KIRREL3: variants seen among roughly 807,000 people sequenced by gnomAD.
KIRREL3 encodes kin of IRRE-like protein 3.
A neutral mutation model predicts 89.7 loss-of-function variants in KIRREL3; 36 were observed. That is an observed-to-expected ratio of 0.40 (90% CI 0.31 to 0.53). The LOEUF (loss-of-function observed/expected upper bound fraction) is 0.53, where lower values mean the gene tolerates loss of function less well. Among genes scored for constraint, KIRREL3 ranks in the 20% least tolerant of loss-of-function variants. The probability of loss-of-function intolerance (pLI) is 0.49; values close to 1 mark genes in which losing one functional copy is unlikely to be tolerated. For missense variants in KIRREL3, 864 were observed against 1,056.6 expected, an observed-to-expected ratio of 0.82 and a Z score of 2.53; for synonymous variants, 445 against 441.4, an observed-to-expected ratio of 1.01 and a Z score of -0.10.
At chr11:126,753,975 G>A (rs1333835166) in intron 1 of KIRREL3, among the ~76,000 whole-genome samples, 1 of 152,138 alleles carries the variant, frequency 6.6e-6, no homozygotes, top group Non-Finnish European at 1.5e-5. Flanking sequence ...TTTTCAGACT[G>A]GGACTGGGAA....
At chr11:126,988,919 C>T (rs753099912) in intron 1 of KIRREL3, among the ~76,000 whole-genome samples, 12 of 150,680 alleles carry the variant, frequency 8.0e-5, no homozygotes, top group Non-Finnish European at 1.8e-4. Context: ...ATTTTTTTTT[C>T]TCACCACTCT....
chr11:126,509,573 T>C (rs897405615), intron 4 of KIRREL3, among the ~76,000 whole-genome samples: 3 of 152,254 alleles, frequency 2.0e-5, no homozygotes, highest in Non-Finnish European at 2.9e-5. Flanking sequence ...GACATTCCCA[T>C]GATGGACCCA....
chr11:126,967,502 C>G (rs1428092264), intron 1 of KIRREL3, among the ~76,000 whole-genome samples: 2 of 152,130 alleles, frequency 1.3e-5, no homozygotes, highest in East Asian at 3.9e-4. Context: ...TTCAGGTGCC[C>G]TTTTCTATAT....
In KIRREL3 at chr11:126,807,562, G is replaced by C. The variant is rs914352707; in HGVS notation, c.55+192893C>G. ...CACCACGGTAGGGAACACAGGTTTC[G>C]TGCATTCATAGACACACGGAACCTC... On this transcript the variant is annotated intron_variant, in intron 1 of 16. Coordinates refer to ENST00000525144, the MANE Select transcript of KIRREL3 (RefSeq NM_032531.4). This position sits in a 1 kb window ranked among gnomAD's most constrained non-coding sequence, Gnocchi z 4.3. Among the ~76,000 whole-genome samples the C allele has an allele frequency of 6.6e-6, 1 of 152,176 alleles. No individual in the cohort carries two copies. The highest frequency in any genetic ancestry group is 2.4e-5 in the African/African-American group (1 of 41,438).
intron 1 of KIRREL3, among the ~76,000 whole-genome samples, chr11:126,842,871 AT>A (rs1319791037): frequency 6.6e-6 from 1 of 152,212 alleles, no homozygotes; most frequent in African/African-American, 2.4e-5. Context: ...TCAATATCAT[AT>A]CCTTTCAGTC....
In KIRREL3 at chr11:126,747,332, C is replaced by A. The variant is rs1262629203; in HGVS notation, c.56-184420G>T. ...AATACTGGGGATAGAGCTCTTTGCTCATTATCTAGCGTAGCGTAAGTCCTC... is the reference window on the plus strand; with the variant it reads ...AATACTGGGGATAGAGCTCTTTGCTAATTATCTAGCGTAGCGTAAGTCCTC... On this transcript the variant is annotated intron_variant, in intron 1 of 16. Transcript: ENST00000525144. The surrounding 1 kb of genome is among the most constrained non-coding windows in gnomAD (Gnocchi z 4.7). Among the ~76,000 whole-genome samples the A allele has an allele frequency of 6.6e-6, 1 of 152,212 alleles. No individual in the cohort carries two copies. Among genetic ancestry groups the A allele is most frequent in the Non-Finnish European group, 1.5e-5 (1 of 68,024 alleles).
rs1946651304 is a variant in KIRREL3, at chr11:126,686,007, A to G, written c.56-123095T>C. 6.6e-6 allele frequency among the ~76,000 whole-genome samples: 1 copy of G among 152,172 alleles called. No individual in the cohort carries two copies. The highest frequency in any genetic ancestry group is 1.5e-5 in the Non-Finnish European group (1 of 68,042). The stretch of plus-strand genomic sequence containing the variant: ...CCCTTCACCTGCTTCTTCTCAGGCC[A>G]AGGTAGACCTGAGGAAAGGATTGAA... On this transcript the variant is annotated intron_variant, in intron 1 of 16. Transcript: ENST00000525144. The surrounding 1 kb of genome is among the most constrained non-coding windows in gnomAD (Gnocchi z 4.7).
chr11:126,863,395 G>GTGTT (rs879772494), intron 1 of KIRREL3, among the ~76,000 whole-genome samples: 3 of 88,902 alleles, frequency 3.4e-5, no homozygotes, highest in Non-Finnish European at 6.2e-5. Context: ...GAGTGCGTGT[G>GTGTT]TGAGTGCGTG....
chr11:126,853,837 C>T (rs1944417679), intron 1 of KIRREL3, among the ~76,000 whole-genome samples: 1 of 152,092 alleles, frequency 6.6e-6, no homozygotes, highest in African/African-American at 2.4e-5. Flanking sequence ...AAGTATATGA[C>T]AGGGACTTTA....
At chr11:126,654,940 G>A (rs1406927063) in intron 1 of KIRREL3, among the ~76,000 whole-genome samples, 19 of 152,306 alleles carry the variant, frequency 1.2e-4, no homozygotes, top group South Asian at 2.1e-4. Flanking sequence ...CCCAGAGGCC[G>A]CTCCTTGCTT....
intron 4 of KIRREL3, among the ~76,000 whole-genome samples, chr11:126,487,190 A>G (rs1394083613): frequency 6.6e-6 from 1 of 152,216 alleles, no homozygotes; most frequent in African/African-American, 2.4e-5. Context: ...AAAAGCATGC[A>G]TTTGTTCCAT....
At position 126,429,218 on chromosome 11, in the gene KIRREL3, A is replaced by C; in HGVS notation, c.1767T>G (p.Gly589=). The stretch of plus-strand genomic sequence containing the variant: ...TGGTGGAGTGCTCCTCACCCTCCCG[A>C]CCAGAGGCTGGTTCCTTGTGGACAA... ...VEIVHKEPAS[G]REGEEHSTIK... The change falls in exon 15 of 17, where the codon GGT becomes GGG. Residue 589 remains glycine (G), a synonymous_variant. Transcript: ENST00000525144. The surrounding 1 kb of genome is among the most constrained non-coding windows in gnomAD (Gnocchi z 5.2). The C allele has an allele frequency of 6.2e-7, 1 of 1,613,900 alleles. No individual in the cohort carries two copies. Among genetic ancestry groups the C allele is most frequent in the Non-Finnish European group, 8.5e-7 (1 of 1,179,806 alleles).
Position 126,450,906 on chromosome 11 carries a change from CGTGTGT to C in KIRREL3, c.849-1755_849-1750del, listed in dbSNP as rs151272051. On this transcript the variant is annotated intron_variant, in intron 7 of 16. Coordinates refer to ENST00000525144, the MANE Select transcript of KIRREL3 (RefSeq NM_032531.4). ...GTGTGCATGTGCGTGTGTGCATGTG[CGTGTGT>C]GTCCACGTGCATGTGTGCATGTGTG... is the stretch of plus-strand genomic sequence containing the variant. 8.4e-5 allele frequency among the ~76,000 whole-genome samples: 9 copies of C among 107,142 alleles called. No homozygotes were observed. In the East Asian group the frequency reaches 2.9e-3, roughly 34 times the overall value. The allele number at this position is 107,142 out of a possible 152,430, so 70.3% of individuals were successfully genotyped here.
At chr11:126,809,023 A>C (rs946812931) in intron 1 of KIRREL3, among the ~76,000 whole-genome samples, 3 of 152,218 alleles carry the variant, frequency 2.0e-5, no homozygotes, top group African/African-American at 7.2e-5. Flanking sequence ...TTAGGAAAAA[A>C]AACAGGCAAG....
rs1417554941 is a variant in KIRREL3 at position 126,568,022 on chromosome 11, C to A, written c.56-5110G>T. On this transcript the variant is annotated intron_variant, in intron 1 of 16. Transcript: ENST00000525144. The surrounding 1 kb of genome is among the most constrained non-coding windows in gnomAD (Gnocchi z 4.6). ...CTTGCTGAAGACTAACCCCTTCCCA[C>A]CTGAAGCTAGTAGACTCGAGCACGT... Among the ~76,000 whole-genome samples, 1 of 152,118 alleles carries A rather than the reference C, an allele frequency of 6.6e-6. No homozygotes were observed. Among genetic ancestry groups the A allele is most frequent in the Non-Finnish European group, 1.5e-5 (1 of 68,004 alleles).
At chr11:126,787,932 C>T (rs1950529077) in intron 1 of KIRREL3, among the ~76,000 whole-genome samples, 1 of 152,154 alleles carries the variant, frequency 6.6e-6, no homozygotes, top group African/African-American at 2.4e-5. Context: ...CTATTATGTG[C>T]CAGGCACTCT....
intron 1 of KIRREL3, among the ~76,000 whole-genome samples, chr11:126,933,553 AT>A (rs1378898106): frequency 1.3e-5 from 2 of 151,730 alleles, no homozygotes; most frequent in Non-Finnish European, 2.9e-5. Flanking sequence ...ATGTAAAAAA[AT>A]CCCAAAGAAT....
rs914234477 is a variant in KIRREL3 at position 126,569,861 on chromosome 11, C to T, written c.56-6949G>A. ...AATAGCCATCAGTAGCCATTCTGCC[C>T]AGCGATGCCATTCTGATTGCAGAAT... On this transcript the variant is annotated intron_variant, in intron 1 of 16. Coordinates refer to ENST00000525144, the MANE Select transcript of KIRREL3 (RefSeq NM_032531.4). The surrounding 1 kb of genome is among the most constrained non-coding windows in gnomAD (Gnocchi z 6.5). 2.6e-5 allele frequency among the ~76,000 whole-genome samples: 4 copies of T among 152,106 alleles called. No individual in the cohort carries two copies. Among genetic ancestry groups the T allele is most frequent in the African/African-American group, 7.2e-5 (3 of 41,412 alleles).
intron 1 of KIRREL3, among the ~76,000 whole-genome samples, chr11:126,767,774 A>G (rs1454325690): frequency 6.6e-6 from 1 of 152,222 alleles, no homozygotes; most frequent in Non-Finnish European, 1.5e-5. Flanking sequence ...TGCCATAAGA[A>G]CCCAGCAAAA....
Sources: allele counts gnomAD v4.1 joint callset (sites outside exome capture counted in the v4.1 genomes callset), GRCh38; gene constraint gnomAD v4.1.1; non-coding constraint Gnocchi (gnomAD v3.1); transcripts MANE v1.5; gene names NCBI Gene and HGNC (gene_info 2026-07-23, HGNC 2026-07-21).